Variants in FAM24A observed in about 807,000 individuals in gnomAD.
FAM24A encodes the protein family with sequence similarity 24 member A.
A neutral mutation model predicts 2.8 loss-of-function variants in FAM24A; 2 were observed. The ratio of observed to expected loss-of-function variants is 0.73; its 90% confidence interval spans 0.30 to 2.28. The LOEUF (loss-of-function observed/expected upper bound fraction) is 2.28. Ranked by LOEUF, FAM24A falls within the 30% of genes most tolerant of loss-of-function variation. The pLI, the probability that FAM24A is intolerant of heterozygous loss-of-function variation, is 0.12. For missense variants in FAM24A, 109 were observed against 132.0 expected (o/e 0.83, Z 0.85); for synonymous variants, 46 against 47.5 (o/e 0.97, Z 0.13).
rs1848330679 is a variant in FAM24A, at chr10:122,912,660, T to A, written c.126-102T>A. 11 of 1,107,568 alleles carry A rather than the reference T, an allele frequency of 9.9e-6. No individual in the cohort carries two copies. The East Asian group carries it at 2.4e-4, about 24-fold the overall frequency. 68.6% of individuals were successfully genotyped at this position (1,107,568 alleles called of 1,614,324 possible). ...TTAATGTAGGGCTGGTGTTCATGTT[T>A]GATTGGCTTCAGCACTAAACTTCCC... is the stretch of plus-strand genomic sequence containing the variant. On this transcript the variant is annotated intron_variant, in intron 2 of 2. Transcript: ENST00000368894.
intron 2 of FAM24A, among the ~76,000 whole-genome samples, chr10:122,912,139 C>T (rs7921647): frequency 0.53 from 80,135 of 151,988 alleles, 21,439 homozygotes; most frequent in Non-Finnish European, 0.55. Context: ...CTGAAGACTC[C>T]GTAGGGAGAC....
At chr10:122,912,611 G>A in intron 2 of FAM24A, 151 bp from the exon 3 acceptor site, 1 of 688,636 alleles carries the variant, frequency 1.5e-6, no homozygotes, top group Non-Finnish European at 2.5e-6. Context: ...GATTCAAGAG[G>A]AATTTGAGAC....
At chr10:122,911,790 C>T (rs1848322835) in intron 2 of FAM24A, 31 bp downstream of exon 2, 1 of 1,612,884 alleles carries the variant, frequency 6.2e-7, no homozygotes, top group Admixed American at 1.7e-5. Context: ...TGAATTACAC[C>T]TCCTCAAATG....
intron 1 of FAM24A, among the ~76,000 whole-genome samples, chr10:122,911,397 C>T (rs1162264579): frequency 6.6e-6 from 1 of 152,086 alleles, no homozygotes; most frequent in Non-Finnish European, 1.5e-5. Flanking sequence ...AAGATTCTTC[C>T]CACTGTCTGT....
rs1848308148 is a variant in FAM24A, at chr10:122,910,619, G to A, written c.-203G>A. The A allele has an allele frequency of 1.3e-5, 2 of 152,222 alleles. No individual in the cohort carries two copies. Among genetic ancestry groups the A allele is most frequent in the Non-Finnish European group, 2.9e-5 (2 of 68,044 alleles). The allele number at this position is 152,222 out of a possible 1,614,324, so 9.4% of individuals were successfully genotyped here. Reference sequence around the variant, plus strand: ...ATGTCAGAATAGGCCCATTCTACCAGCTCTGGCTGAGCCTGAGCTTCCAAA... The same window carrying A: ...ATGTCAGAATAGGCCCATTCTACCAACTCTGGCTGAGCCTGAGCTTCCAAA... On this transcript the variant is annotated 5_prime_UTR_variant, in exon 1 of 3. Coordinates refer to ENST00000368894, the MANE Select transcript of FAM24A (RefSeq NM_001029888.3).
At chr10:122,910,949 C>G (rs1350996859) in intron 1 of FAM24A, 130 bp downstream of exon 1, 2 of 152,142 alleles carry the variant, frequency 1.3e-5, no homozygotes, top group East Asian at 3.9e-4. Flanking sequence ...TTAGTATTTA[C>G]TAGGAAAAAT....
chr10:122,912,921 AC>A lies in FAM24A; in HGVS notation c.287del (p.Pro96LeufsTer6). On this transcript the variant is annotated frameshift_variant, in exon 3 of 3. Coordinates refer to ENST00000368894, the MANE Select transcript of FAM24A (RefSeq NM_001029888.3). LOFTEE classifies it high-confidence loss of function. The stretch of plus-strand genomic sequence containing the variant: ...TGCATGCCAGTTCTGATTCCCTGCC[AC>A]CTTGCTGTTGTGACATAAATGAGGG... ...RMHASSDSLP[P>X]CCCDINEGL 1 of 1,612,468 alleles carries A rather than the reference AC, an allele frequency of 6.2e-7. No individual in the cohort carries two copies. Among genetic ancestry groups the A allele is most frequent in the Non-Finnish European group, 8.5e-7 (1 of 1,179,552 alleles).
At chr10:122,911,545 G>T in intron 1 of FAM24A, 88 bp from the exon 2 acceptor site, 1 of 1,558,848 alleles carries the variant, frequency 6.4e-7, no homozygotes, top group Non-Finnish European at 8.7e-7. Flanking sequence ...ATGTGTCTGG[G>T]GTTCACTCTT....
chr10:122,910,879 T>A (rs549329037), intron 1 of FAM24A, 60 bp downstream of exon 1: 1 of 152,336 alleles, frequency 6.6e-6, no homozygotes, highest in African/African-American at 2.4e-5. Flanking sequence ...GTTCCTCAGT[T>A]TCACAGTGTT....
Position 122,911,855 on chromosome 10 carries a change from C to A in FAM24A, c.125+96C>A, listed in dbSNP as rs565453367. The A allele has an allele frequency of 4.1e-6, 6 of 1,479,660 alleles. No individual in the cohort carries two copies. The South Asian group carries it at 5.0e-5, about 12-fold the overall frequency. The allele number at this position is 1,479,660 out of a possible 1,614,324, so 91.7% of individuals were successfully genotyped here. A position where few individuals can be genotyped will look rare whatever the true frequency, so the allele number is the denominator to read the frequency against. ...TCATTCCTTTCTGCTGTGGCCATAC[C>A]CCTGAGTGAGTGAGGACAAGAACAA... On this transcript the variant is annotated intron_variant, in intron 2 of 2. Coordinates refer to ENST00000368894, the MANE Select transcript of FAM24A (RefSeq NM_001029888.3).
intron 2 of FAM24A, 34 bp downstream of exon 2, chr10:122,911,793 C>T (rs1457712114): frequency 1.2e-6 from 2 of 1,612,338 alleles, no homozygotes; most frequent in East Asian, 4.5e-5. Flanking sequence ...ATTACACCTC[C>T]TCAAATGGGA....
At chr10:122,911,426 T>C (rs1564714600) in intron 1 of FAM24A, among the ~76,000 whole-genome samples, 2 of 152,148 alleles carry the variant, frequency 1.3e-5, no homozygotes, top group African/African-American at 4.8e-5. Flanking sequence ...TTTCCTTCCC[T>C]CTGGAGTTTG....
Position 122,912,844 on chromosome 10 carries a change from GCCA to G in FAM24A, c.215_217del (p.Thr72del). ...TTGGGCCACGAACAGCCAGGCCAAAGCCACCACCATGGAGTCTTGTCCATCTCT... is the reference window on the plus strand; with the variant it reads ...TTGGGCCACGAACAGCCAGGCCAAAGCCACCATGGAGTCTTGTCCATCTCT... On this transcript the variant is annotated inframe_deletion, in exon 3 of 3. Transcript: ENST00000368894. The G allele has an allele frequency of 2.5e-6, 4 of 1,614,170 alleles. No homozygotes were observed. The highest frequency in any genetic ancestry group is 3.4e-6 in the Non-Finnish European group (4 of 1,180,044).
intron 1 of FAM24A, among the ~76,000 whole-genome samples, 154 bp from the exon 2 acceptor site, chr10:122,911,479 C>T (rs745911429): frequency 1.3e-5 from 2 of 152,130 alleles, no homozygotes; most frequent in Non-Finnish European, 2.9e-5. Context: ...CTTTTGTCTG[C>T]CCCTGGACCA....
chr10:122,913,045 C>A lies in FAM24A; in HGVS notation c.*91C>A. The A allele has an allele frequency of 8.5e-7, 1 of 1,170,078 alleles. No homozygotes were observed. Among genetic ancestry groups the A allele is most frequent in the Non-Finnish European group, 1.2e-6 (1 of 830,374 alleles). The allele number at this position is 1,170,078 out of a possible 1,614,324, so 72.5% of individuals were successfully genotyped here. On this transcript the variant is annotated 3_prime_UTR_variant, in exon 3 of 3. Coordinates refer to ENST00000368894, the MANE Select transcript of FAM24A (RefSeq NM_001029888.3). Reference sequence around the variant, plus strand: ...TTCAAGTCAAGTTCTAGAGTGTTTACATACTATTATATAATGTACAGTGTT... The same window carrying A: ...TTCAAGTCAAGTTCTAGAGTGTTTAAATACTATTATATAATGTACAGTGTT...
intron 2 of FAM24A, among the ~76,000 whole-genome samples, chr10:122,912,410 TCAGACACAGTCCATTCTAAGGG>T (rs1848328482): frequency 6.6e-6 from 1 of 151,908 alleles, no homozygotes; most frequent in Non-Finnish European, 1.5e-5. Flanking sequence ...AGGTTGGTTG[TCAGACACAGTCCATTCTAAGGG>T]GTTCACAGAG....
chr10:122,912,348 G>A (rs532272846), intron 2 of FAM24A, among the ~76,000 whole-genome samples: 1 of 152,324 alleles, frequency 6.6e-6, no homozygotes, highest in Non-Finnish European at 1.5e-5. Flanking sequence ...GGGAATGTAG[G>A]TTGAACAAAA....
At chr10:122,911,573 T>C in intron 1 of FAM24A, 60 bp from the exon 2 acceptor site, 2 of 1,598,458 alleles carry the variant, frequency 1.3e-6, no homozygotes, top group South Asian at 1.1e-5. Flanking sequence ...TAACGGAAGG[T>C]TGTTTAGTGG....
chr10:122,911,123 T>G (rs1009684840), intron 1 of FAM24A, among the ~76,000 whole-genome samples: 1 of 152,234 alleles, frequency 6.6e-6, no homozygotes, highest in African/African-American at 2.4e-5. Flanking sequence ...AACCCAGTTG[T>G]TGGTGGGAAA....
Sources: allele counts gnomAD v4.1 joint callset (sites outside exome capture counted in the v4.1 genomes callset), GRCh38; gene constraint gnomAD v4.1.1; transcripts MANE v1.5; gene names NCBI Gene and HGNC (gene_info 2026-07-23, HGNC 2026-07-21).